Variants in ASIC2 observed in about 807,000 individuals in gnomAD.
ASIC2 encodes acid sensing ion channel subunit 2.
A neutral mutation model predicts 57.3 loss-of-function variants in ASIC2; 25 were observed. The ratio of observed to expected loss-of-function variants is 0.44; its 90% CI spans 0.32 to 0.61. The LOEUF is 0.61. ASIC2 is among the 20% of genes least tolerant of loss of function. The pLI is 0.06. For missense variants in ASIC2, 641 were observed against 738.1 expected, an observed-to-expected ratio of 0.87 and a Z score of 1.52; for synonymous variants, 319 against 307.5, an observed-to-expected ratio of 1.04 and a Z score of -0.39.
intron 1 of ASIC2, among the ~76,000 whole-genome samples, chr17:33,599,800 G>A (rs1597803004): frequency 6.6e-6 from 1 of 152,238 alleles, no homozygotes; most frequent in Middle Eastern, 3.4e-3. Flanking sequence ...GCCTCTGATT[G>A]CATCCTTGCT....
chr17:33,166,949 G>A (rs114554371), intron 1 of ASIC2, among the ~76,000 whole-genome samples: 1 of 152,314 alleles, frequency 6.6e-6, no homozygotes, highest in African/African-American at 2.4e-5. Flanking sequence ...GTAACAGACT[G>A]GAATCATAGA....
intron 2 of ASIC2, chr17:33,099,864 T>A (rs552627156): frequency 6.6e-6 from 1 of 152,350 alleles, no homozygotes; most frequent in African/African-American, 2.4e-5. Context: ...TAGATTGTGA[T>A]GTGATTATAG....
intron 1 of ASIC2, among the ~76,000 whole-genome samples, chr17:33,846,055 T>A (rs1244465392): frequency 1.3e-5 from 2 of 152,190 alleles, no homozygotes; most frequent in Non-Finnish European, 2.9e-5. Context: ...TGTCTAAGAT[T>A]ATAAAGGCCA....
intron 1 of ASIC2, among the ~76,000 whole-genome samples, chr17:33,421,889 C>T (rs1911057194): frequency 5.3e-5 from 8 of 152,194 alleles, no homozygotes. Flanking sequence ...GTCCCTGACT[C>T]CTACCTCCCT....
At chr17:33,480,802 C>G (rs1353508911) in intron 1 of ASIC2, among the ~76,000 whole-genome samples, 1 of 152,186 alleles carries the variant, frequency 6.6e-6, no homozygotes, top group African/African-American at 2.4e-5. Flanking sequence ...CAGCCACCCA[C>G]TCTCAAGGCC....
chr17:33,486,072 T>G (rs1382576616), intron 1 of ASIC2, among the ~76,000 whole-genome samples: 1 of 152,188 alleles, frequency 6.6e-6, no homozygotes, highest in African/African-American at 2.4e-5. Context: ...CCTTCCTGAT[T>G]TGCTGTAGCT....
At chr17:33,453,504 A>G (rs921068128) in intron 1 of ASIC2, among the ~76,000 whole-genome samples, 2 of 152,170 alleles carry the variant, frequency 1.3e-5, no homozygotes, top group African/African-American at 4.8e-5. Context: ...TCAGAGGAAA[A>G]GAGGGCAGAG....
chr17:34,033,274 C>T (rs1204916742), intron 1 of ASIC2, among the ~76,000 whole-genome samples: 1 of 152,052 alleles, frequency 6.6e-6, no homozygotes, highest in East Asian at 1.9e-4. Flanking sequence ...ACTTGGTGCA[C>T]ATCAAAATGA....
chr17:33,316,975 A>G (rs1286918974), intron 1 of ASIC2, among the ~76,000 whole-genome samples: 1 of 152,204 alleles, frequency 6.6e-6, no homozygotes, highest in African/African-American at 2.4e-5. Context: ...CACGCCCTGC[A>G]CATTTCTCTT....
chr17:33,242,658 C>T (rs1908549415), intron 1 of ASIC2, among the ~76,000 whole-genome samples: 1 of 152,134 alleles, frequency 6.6e-6, no homozygotes, highest in African/African-American at 2.4e-5. Context: ...GAGAGTAATC[C>T]CGAGACGTCC....
chr17:33,618,807 A>G (rs773435697), intron 1 of ASIC2, among the ~76,000 whole-genome samples: 13 of 152,206 alleles, frequency 8.5e-5, no homozygotes, highest in Non-Finnish European at 1.8e-4. Flanking sequence ...ATATTTTATT[A>G]ATAAGCCTCA....
At chr17:33,520,870 C>G (rs1022163499) in intron 1 of ASIC2, among the ~76,000 whole-genome samples, 1 of 152,020 alleles carries the variant, frequency 6.6e-6, no homozygotes, top group African/African-American at 2.4e-5. Context: ...ACATTCAGGC[C>G]CTGGGGTTAA....
chr17:34,154,524 C>T (rs944349009), intron 1 of ASIC2, among the ~76,000 whole-genome samples: 1 of 152,098 alleles, frequency 6.6e-6, no homozygotes, highest in African/African-American at 2.4e-5. Context: ...AGGCAATGCC[C>T]CCGGCACTCT....
chr17:33,896,218 T>C (rs1049977640), intron 1 of ASIC2, among the ~76,000 whole-genome samples: 2 of 152,258 alleles, frequency 1.3e-5, no homozygotes, highest in African/African-American at 4.8e-5. Flanking sequence ...CTGCTTAGCC[T>C]GACTTCAGGC....
intron 1 of ASIC2, among the ~76,000 whole-genome samples, chr17:33,518,874 A>G (rs957162635): frequency 6.6e-6 from 1 of 151,412 alleles, no homozygotes; most frequent in African/African-American, 2.4e-5. Context: ...AGGCTGGAGT[A>G]CAGTGGCGTG....
At chr17:33,215,844 C>G (rs1158213816) in intron 1 of ASIC2, among the ~76,000 whole-genome samples, 1 of 152,046 alleles carries the variant, frequency 6.6e-6, no homozygotes, top group Non-Finnish European at 1.5e-5. Flanking sequence ...GGACTACAGG[C>G]GCCCGCCACC....
At chr17:33,751,906 G>GCTTT (rs1910446376) in intron 1 of ASIC2, among the ~76,000 whole-genome samples, 1 of 124,512 alleles carries the variant, frequency 8.0e-6, no homozygotes, top group South Asian at 2.7e-4. Flanking sequence ...AGGCTTTGGA[G>GCTTT]CTTTCCTCAG....
At chr17:33,808,219 G>C (rs532386345) in intron 1 of ASIC2, among the ~76,000 whole-genome samples, 2 of 152,206 alleles carry the variant, frequency 1.3e-5, no homozygotes, top group African/African-American at 2.4e-5. Context: ...AACAGTGTGA[G>C]GTCTGTGTCT....
chr17:33,904,988 T>C (rs1176327946), intron 1 of ASIC2, among the ~76,000 whole-genome samples: 3 of 152,158 alleles, frequency 2.0e-5, no homozygotes, highest in African/African-American at 7.2e-5. Context: ...AATCTTGGGT[T>C]ATGTAGAAAA....
Sources: gnomAD v4.1 joint callset for allele counts (sites outside exome capture counted in the v4.1 genomes callset) on GRCh38, gnomAD v4.1.1 for gene constraint, MANE v1.5 for transcripts, NCBI Gene and HGNC (gene_info 2026-07-23, HGNC 2026-07-21) for gene names.